The following PLXNA4 variants were observed in gnomAD, a reference collection of about 807,000 sequenced individuals.
PLXNA4 encodes the protein plexin A4.
In PLXNA4, 44 loss-of-function variants were observed where a neutral mutation model predicts 191.8. That is an observed-to-expected ratio of 0.23 (90% CI 0.18 to 0.29). The LOEUF is 0.29. PLXNA4 is among the 10% of genes least tolerant of loss of function. The probability of loss-of-function intolerance (pLI) is 1.00; values close to 1 mark genes in which losing one functional copy is unlikely to be tolerated. For synonymous variants in PLXNA4, 1,082 were observed against 1,009.5 expected, an observed-to-expected ratio of 1.07 and a Z score of -1.36; for missense variants, 1,800 against 2,488.8, an observed-to-expected ratio of 0.72 and a Z score of 5.89.
intron 4 of PLXNA4, among the ~76,000 whole-genome samples, chr7:132,260,733 A>T (rs1799611610): frequency 1.3e-5 from 2 of 151,798 alleles, no homozygotes; most frequent in Non-Finnish European, 2.9e-5. Context: ...GGGAGTGGAG[A>T]GGGATGAATG....
intron 3 of PLXNA4, among the ~76,000 whole-genome samples, chr7:132,378,390 TTA>T (rs1387177330): frequency 6.6e-6 from 1 of 152,168 alleles, no homozygotes; most frequent in Non-Finnish European, 1.5e-5. Flanking sequence ...TCCTGGGTGA[TTA>T]TTTCTTGAGT....
chr7:132,265,516 G>A (rs1295190008), intron 4 of PLXNA4, among the ~76,000 whole-genome samples: 2 of 152,308 alleles, frequency 1.3e-5, no homozygotes, highest in East Asian at 3.9e-4. Context: ...GTGTGTATGG[G>A]AAGGATCAGG....
chr7:132,394,920 T>C lies in PLXNA4; in HGVS notation c.1371+94372A>G, dbSNP rs370877124. Reference sequence around the variant, plus strand: ...CTGTGGCTCTGATCCACCAGTCAGGTGAGCCGTGGGACCAGCCCTGGGGAT... The same window carrying C: ...CTGTGGCTCTGATCCACCAGTCAGGCGAGCCGTGGGACCAGCCCTGGGGAT... On this transcript the variant is annotated intron_variant, in intron 3 of 31. Coordinates refer to ENST00000321063, the MANE Select transcript of PLXNA4 (RefSeq NM_020911.2). Among the ~76,000 whole-genome samples, 49 of 152,348 alleles carry C rather than the reference T, an allele frequency of 3.2e-4. 2 individuals are homozygous for C. The South Asian group carries it at 9.7e-3, about 30-fold the overall frequency.
intron 14 of PLXNA4, among the ~76,000 whole-genome samples, chr7:132,190,690 G>A (rs913385501): frequency 6.6e-6 from 1 of 152,230 alleles, no homozygotes; most frequent in Non-Finnish European, 1.5e-5. Context: ...TGCAAATGCA[G>A]AGCAGAGGCA....
rs151279008 is a variant in PLXNA4, at chr7:132,481,291, G to A, written c.1371+8001C>T. ...ACAGAGGGAATGAAAGGAGGGTTCT[G>A]AGCAACAGGCTCCAGGGTAGGTACC... On this transcript the variant is annotated intron_variant, in intron 3 of 31. Coordinates refer to ENST00000321063, the MANE Select transcript of PLXNA4 (RefSeq NM_020911.2). 5.0e-3 allele frequency among the ~76,000 whole-genome samples: 759 copies of A among 152,174 alleles called. 15 individuals carry two copies. The highest frequency in any genetic ancestry group is 0.017 in the African/African-American group (716 of 41,518).
In PLXNA4 at chr7:132,202,661, G is replaced by A. The variant is rs763574626; in HGVS notation, c.2571C>T (p.Asn857=). The change falls in exon 12 of 32, where the codon AAC becomes AAT. Residue 857 remains asparagine (N), a synonymous_variant. Transcript: ENST00000321063. The part of the protein sequence containing the change: ...ELSGAKSKCT[N]PRITEIIPVT... ...CCCGGCTTACCTCTGTGATGCGGGG[G>A]TTTGTGCACTTGCTTTTGGCACCAG... is the stretch of plus-strand genomic sequence containing the variant. 3.3e-6 allele frequency: 5 copies of A among 1,536,872 alleles called. No individual in the cohort carries two copies. The highest frequency in any genetic ancestry group is 2.5e-5 in the South Asian group (2 of 79,440).
At chr7:132,259,436 C>CAAAAAAAAAAAAAA in intron 4 of PLXNA4, among the ~76,000 whole-genome samples, 72 of 33,854 alleles carry the variant, frequency 2.1e-3, no homozygotes, top group Non-Finnish European at 2.9e-3. Flanking sequence ...AACTCCAACT[C>CAAAAAAAAAAAAAA]AAAAAAAAAA....
chr7:132,542,651 T>C (rs993015755), intron 1 of PLXNA4, among the ~76,000 whole-genome samples: 1 of 152,242 alleles, frequency 6.6e-6, no homozygotes, highest in Non-Finnish European at 1.5e-5. Context: ...CTATTCTCAC[T>C]GTATCCTCGA....
intron 3 of PLXNA4, among the ~76,000 whole-genome samples, chr7:132,323,261 T>TG (rs1802244247): frequency 1.3e-5 from 2 of 152,198 alleles, no homozygotes; most frequent in East Asian, 3.9e-4. Context: ...ACAGATGCCC[T>TG]GGTGGGCACA....
chr7:132,156,280 C>A (rs995150202), intron 25 of PLXNA4, among the ~76,000 whole-genome samples: 2 of 151,938 alleles, frequency 1.3e-5, no homozygotes, highest in African/African-American at 4.8e-5. Context: ...ACAAGTCTGG[C>A]GAGGGAGTAG....
chr7:132,640,147 G>C (rs1307128571), intron 2 of PLXNA4, among the ~76,000 whole-genome samples: 1 of 152,196 alleles, frequency 6.6e-6, no homozygotes, highest in Non-Finnish European at 1.5e-5. Flanking sequence ...TCTTGCAGAG[G>C]ATCAGGAAGA....
At chr7:132,445,679 C>T (rs1435601492) in intron 3 of PLXNA4, among the ~76,000 whole-genome samples, 2 of 152,116 alleles carry the variant, frequency 1.3e-5, no homozygotes, top group Non-Finnish European at 2.9e-5. Context: ...CCAGTTGAAA[C>T]ACCTCACTTC....
chr7:132,132,478 C>CTTTCTATTCTAT (rs1563048426), intron 31 of PLXNA4, among the ~76,000 whole-genome samples: 24 of 62,640 alleles, frequency 3.8e-4, no homozygotes, highest in South Asian at 1.3e-3. Context: ...CTCTGCTCTG[C>CTTTCTATTCTAT]TCTGCTCTGC....
intron 3 of PLXNA4, among the ~76,000 whole-genome samples, chr7:132,401,300 C>T (rs995727130): frequency 1.1e-4 from 16 of 152,220 alleles, no homozygotes; most frequent in Middle Eastern, 3.4e-3. Context: ...TGCAAATTCA[C>T]GATTATCTCA....
At chr7:132,382,648 T>C (rs1804944029) in intron 3 of PLXNA4, among the ~76,000 whole-genome samples, 1 of 152,220 alleles carries the variant, frequency 6.6e-6, no homozygotes, top group Admixed American at 6.5e-5. Flanking sequence ...GTACTGGCAC[T>C]GGCATGGTCT....
At chr7:132,596,013 A>C (rs145105608) in intron 2 of PLXNA4, among the ~76,000 whole-genome samples, 133 of 152,298 alleles carry the variant, frequency 8.7e-4, no homozygotes, top group African/African-American at 3.2e-3. Context: ...TCATCTTAAG[A>C]AATATATTTT....
intron 3 of PLXNA4, among the ~76,000 whole-genome samples, chr7:132,301,993 C>A (rs1801325187): frequency 6.6e-6 from 1 of 152,178 alleles, no homozygotes. Flanking sequence ...CCCAGGTCTC[C>A]TGATTCCTAG....
chr7:132,192,941 T>C (rs1345232008), intron 14 of PLXNA4, among the ~76,000 whole-genome samples: 1 of 150,192 alleles, frequency 6.7e-6, no homozygotes, highest in Non-Finnish European at 1.5e-5. Context: ...GGGAAAGGGG[T>C]GGTAGGGTGA....
At chr7:132,229,978 A>C (rs1017583779) in intron 5 of PLXNA4, among the ~76,000 whole-genome samples, 1 of 152,132 alleles carries the variant, frequency 6.6e-6, no homozygotes. Context: ...AAATCATTGA[A>C]GGCCATGGAC....
Sources: gnomAD v4.1 joint callset for allele counts (sites outside exome capture counted in the v4.1 genomes callset) on GRCh38, gnomAD v4.1.1 for gene constraint, MANE v1.5 for transcripts, NCBI Gene and HGNC (gene_info 2026-07-23, HGNC 2026-07-21) for gene names.